The following CCSER1 variants were observed in gnomAD, a reference collection of about 807,000 sequenced individuals.
CCSER1 encodes serine-rich coiled-coil domain-containing protein 1.
A neutral mutation model predicts 82.0 loss-of-function variants in CCSER1; 41 were observed. The observed-to-expected ratio is 0.50, with a 90% CI of 0.39 to 0.65. The LOEUF (loss-of-function observed/expected upper bound fraction) is 0.65, where lower values mean the gene tolerates loss of function less well. Ranked by LOEUF, CCSER1 falls within the 30% of genes least tolerant of loss-of-function variation. The pLI is 0.00. For missense variants in CCSER1, 1,119 were observed against 1,064.2 expected (o/e 1.05, Z -0.72); for synonymous variants, 414 against 383.9 (o/e 1.08, Z -0.92).
At chr4:90,888,248 G>T (rs1722444361) in intron 8 of CCSER1, among the ~76,000 whole-genome samples, 1 of 152,052 alleles carries the variant, frequency 6.6e-6, no homozygotes, top group Admixed American at 6.6e-5. Context: ...GTGAGAAACA[G>T]CACATGGGGA....
intron 5 of CCSER1, among the ~76,000 whole-genome samples, chr4:90,567,638 C>G (rs1224353290): frequency 7.3e-6 from 1 of 137,416 alleles, no homozygotes; most frequent in African/African-American, 2.8e-5. Flanking sequence ...CAAGGTCTTA[C>G]TCTGTCACCC....
chr4:90,899,886 A>G (rs1210926517), intron 8 of CCSER1, among the ~76,000 whole-genome samples: 1 of 151,916 alleles, frequency 6.6e-6, no homozygotes, highest in East Asian at 1.9e-4. Context: ...TGTGTTCATC[A>G]GGGATGTTGA....
intron 7 of CCSER1, among the ~76,000 whole-genome samples, chr4:90,793,728 CT>C (rs1248030476): frequency 1.4e-4 from 21 of 152,138 alleles, no homozygotes; most frequent in Admixed American, 1.2e-3. Flanking sequence ...GTTTTTAGGT[CT>C]TTGAAGAATC....
rs116294821 is a variant in CCSER1, at chr4:91,325,371, G to T, written c.2217+239377G>T. The stretch of plus-strand genomic sequence containing the variant: ...CCAATATCTTACTGTTCATAAGTAT[G>T]CCATGTGTCATCTATAGATGAAAGG... On this transcript the variant is annotated intron_variant, in intron 10 of 10. Transcript: ENST00000509176. 9.2e-6 allele frequency: 3 copies of T among 325,466 alleles called. No homozygotes were observed. The Admixed American group carries it at 1.3e-4, about 14-fold the overall frequency. 20.2% of individuals were successfully genotyped at this position (325,466 alleles called of 1,614,324 possible). A position where few individuals can be genotyped will look rare whatever the true frequency, so the allele number is the denominator to read the frequency against.
intron 10 of CCSER1, among the ~76,000 whole-genome samples, chr4:91,183,257 G>T (rs1026128322): frequency 2.6e-5 from 4 of 152,180 alleles, no homozygotes; most frequent in Non-Finnish European, 5.9e-5. Context: ...AATAGGCATA[G>T]CAAAAGAAGT....
intron 3 of CCSER1, among the ~76,000 whole-genome samples, chr4:90,367,495 C>T (rs1025526364): frequency 6.6e-6 from 1 of 151,334 alleles, no homozygotes; most frequent in Non-Finnish European, 1.5e-5. Context: ...TTTAGCTAGC[C>T]ATATTTTGTC....
intron 5 of CCSER1, among the ~76,000 whole-genome samples, chr4:90,495,025 A>G (rs1358375756): frequency 6.6e-6 from 1 of 152,100 alleles, no homozygotes; most frequent in Non-Finnish European, 1.5e-5. Context: ...TATAATTTCT[A>G]GTTCCTAATC....
chr4:90,600,873 T>C lies in CCSER1; in HGVS notation c.1725-27152T>C, dbSNP rs117415990. Among the ~76,000 whole-genome samples the C allele has an allele frequency of 7.9e-3, 1,205 of 152,184 alleles. 43 individuals carry two copies. The East Asian group carries it at 0.1, about 13-fold the overall frequency. On this transcript the variant is annotated intron_variant, in intron 5 of 10. Transcript: ENST00000509176. ...CATAATATATCTGTTTAGGTCTTTA[T>C]ATAAGCAATATTTTTTAGTTTTCTT... is the stretch of plus-strand genomic sequence containing the variant.
chr4:90,555,151 G>T (rs1172649897), intron 5 of CCSER1, among the ~76,000 whole-genome samples: 1 of 151,758 alleles, frequency 6.6e-6, no homozygotes, highest in Admixed American at 6.6e-5. Context: ...TTCCAAAAAG[G>T]GAAATAATAT....
At chr4:90,721,447 C>T (rs1333774073) in intron 6 of CCSER1, among the ~76,000 whole-genome samples, 1 of 151,524 alleles carries the variant, frequency 6.6e-6, no homozygotes, top group Non-Finnish European at 1.5e-5. Context: ...TTCTATGTTC[C>T]CATAGGATTC....
chr4:90,228,547 T>TC (rs1257940573), intron 1 of CCSER1, among the ~76,000 whole-genome samples: 1 of 151,346 alleles, frequency 6.6e-6, no homozygotes, highest in African/African-American at 2.4e-5. Flanking sequence ...AACTGGAAAC[T>TC]CTAAAACGCA....
At chr4:90,251,143 C>A (rs1722304360) in intron 1 of CCSER1, among the ~76,000 whole-genome samples, 1 of 151,848 alleles carries the variant, frequency 6.6e-6, no homozygotes, top group African/African-American at 2.4e-5. Context: ...ATCATAAGAT[C>A]ATTCCCTTTG....
intron 10 of CCSER1, among the ~76,000 whole-genome samples, chr4:91,182,044 A>C (rs1031712952): frequency 2.6e-5 from 4 of 152,116 alleles, no homozygotes; most frequent in Non-Finnish European, 5.9e-5. Context: ...TGGTTGTCCC[A>C]CTTTTGTTAG....
At chr4:91,407,372 G>A (rs560026655) in intron 10 of CCSER1, among the ~76,000 whole-genome samples, 131 of 152,196 alleles carry the variant, frequency 8.6e-4, no homozygotes, top group African/African-American at 3.0e-3. Context: ...GTATTTATAC[G>A]CATCCTGTAC....
In CCSER1 at chr4:90,826,063, C is replaced by T. The variant is rs546377846; in HGVS notation, c.2094+10218C>T. On this transcript the variant is annotated intron_variant, in intron 8 of 10. Coordinates refer to ENST00000509176, the MANE Select transcript of CCSER1 (RefSeq NM_001145065.2). Reference sequence around the variant, plus strand: ...CTAATACAAAAAGTGGATTGTTTAACATCAGGTTACTTCATGTTACTTTCC... The same window carrying T: ...CTAATACAAAAAGTGGATTGTTTAATATCAGGTTACTTCATGTTACTTTCC... 3.3e-5 allele frequency among the ~76,000 whole-genome samples: 5 copies of T among 152,250 alleles called. No individual in the cohort carries two copies. The South Asian group carries it at 8.3e-4, about 25-fold the overall frequency.
intron 6 of CCSER1, among the ~76,000 whole-genome samples, chr4:90,653,939 G>A (rs183926647): frequency 1.3e-5 from 2 of 152,106 alleles, no homozygotes; most frequent in African/African-American, 4.8e-5. Flanking sequence ...TACAATCATG[G>A]TAGAAGGCAA....
At chr4:90,154,486 C>T (rs373734097) in intron 1 of CCSER1, among the ~76,000 whole-genome samples, 10 of 151,798 alleles carry the variant, frequency 6.6e-5, no homozygotes, top group African/African-American at 1.5e-4. Flanking sequence ...GCCATGTTCA[C>T]GATATTGATT....
chr4:90,835,193 T>A (rs1761641189), intron 8 of CCSER1, among the ~76,000 whole-genome samples: 1 of 151,854 alleles, frequency 6.6e-6, no homozygotes, highest in Non-Finnish European at 1.5e-5. Context: ...TAGCCGGGCG[T>A]GGTGGTGGAC....
intron 5 of CCSER1, among the ~76,000 whole-genome samples, chr4:90,606,335 CTACA>C (rs1464468856): frequency 6.6e-6 from 1 of 152,112 alleles, no homozygotes; most frequent in Non-Finnish European, 1.5e-5. Flanking sequence ...TACTACACAC[CTACA>C]TTATAACGCA....
Sources: gnomAD v4.1 joint callset for allele counts (sites outside exome capture counted in the v4.1 genomes callset) on GRCh38, gnomAD v4.1.1 for gene constraint, MANE v1.5 for transcripts, NCBI Gene and HGNC (gene_info 2026-07-23, HGNC 2026-07-21) for gene names.